The following BBS9 variants were observed in gnomAD, a reference collection of about 807,000 sequenced individuals.
BBS9 encodes the protein protein PTHB1.
BBS9 carries 89 observed loss-of-function variants against 117.7 expected under a neutral mutation model. The observed-to-expected ratio is 0.76, with a 90% CI of 0.64 to 0.90. The LOEUF is 0.90. Among genes scored for constraint, BBS9 ranks in the 40% least tolerant of loss-of-function variants. BBS9 has a pLI of 0.00. For synonymous variants in BBS9, 379 were observed against 370.9 expected, an observed-to-expected ratio of 1.02 and a Z score of -0.25; for missense variants, 982 against 1,042.2, an observed-to-expected ratio of 0.94 and a Z score of 0.80.
chr7:33,193,070 T>G (rs1475026814), intron 5 of BBS9, among the ~76,000 whole-genome samples: 1 of 152,224 alleles, frequency 6.6e-6, no homozygotes, highest in Non-Finnish European at 1.5e-5. Context: ...TTATGTGGAT[T>G]TGGGCTGCTG....
downstream of BBS9, among the ~76,000 whole-genome samples, chr7:33,609,669 A>G (rs531735912): frequency 2.0e-5 from 3 of 152,062 alleles, no homozygotes; most frequent in Admixed American, 6.6e-5. Context: ...GTCAGATTTC[A>G]TATGTTTCAA....
chr7:33,397,129 G>GA (rs928663928), intron 19 of BBS9, among the ~76,000 whole-genome samples: 3 of 151,696 alleles, frequency 2.0e-5, no homozygotes, highest in Admixed American at 6.6e-5. Flanking sequence ...AAATTTACAA[G>GA]AAAAAAAATC....
chr7:33,364,763 C>G (rs1199539513), intron 16 of BBS9, among the ~76,000 whole-genome samples: 2 of 146,700 alleles, frequency 1.4e-5, no homozygotes, highest in South Asian at 2.3e-4. Flanking sequence ...GGGTCTTGCT[C>G]TGTCATCCAG....
intron 19 of BBS9, among the ~76,000 whole-genome samples, chr7:33,458,727 T>C (rs927473817): frequency 1.3e-5 from 2 of 152,178 alleles, no homozygotes; most frequent in Non-Finnish European, 2.9e-5. Context: ...TGCACTTCTT[T>C]TCAAATGTTA....
intron 19 of BBS9, among the ~76,000 whole-genome samples, chr7:33,474,197 A>G (rs1841478624): frequency 6.6e-6 from 1 of 152,192 alleles, no homozygotes; most frequent in Non-Finnish European, 1.5e-5. Context: ...TGCTCTGGTT[A>G]CAATGCAAGA....
intron 21 of BBS9, among the ~76,000 whole-genome samples, chr7:33,544,500 C>T (rs4720124): frequency 0.46 from 69,942 of 151,950 alleles, 16,716 homozygotes; most frequent in South Asian, 0.57. Flanking sequence ...TACCTGGCTC[C>T]GGGCTGGTAC....
intron 5 of BBS9, among the ~76,000 whole-genome samples, chr7:33,200,856 G>T (rs1785729253): frequency 6.6e-6 from 1 of 152,174 alleles, no homozygotes; most frequent in Non-Finnish European, 1.5e-5. Flanking sequence ...GAAAAATTGA[G>T]CACTGTGAAA....
chr7:33,181,969 C>T (rs933089508), intron 5 of BBS9, among the ~76,000 whole-genome samples: 5 of 152,312 alleles, frequency 3.3e-5, no homozygotes, highest in Admixed American at 3.3e-4. Flanking sequence ...TGCCTGTAAT[C>T]TCAGCTACCC....
At chr7:33,434,607 G>T (rs1406483487) in intron 19 of BBS9, among the ~76,000 whole-genome samples, 4 of 152,116 alleles carry the variant, frequency 2.6e-5, no homozygotes, top group Non-Finnish European at 5.9e-5. Context: ...GGAAAAATGA[G>T]AGCTGCTATC....
intron 6 of BBS9, among the ~76,000 whole-genome samples, chr7:33,257,741 C>G (rs1488983272): frequency 3.3e-5 from 5 of 151,934 alleles, no homozygotes; most frequent in African/African-American, 7.3e-5. Flanking sequence ...AGTTACTACC[C>G]TGTAGAAAAT....
At chr7:33,483,300 G>C (rs1314986553) in intron 19 of BBS9, among the ~76,000 whole-genome samples, 3 of 152,078 alleles carry the variant, frequency 2.0e-5, no homozygotes, top group African/African-American at 7.2e-5. Context: ...TCAAATCTTT[G>C]TTCTAGTCAC....
rs35927295 is a variant in BBS9 at position 33,221,908 on chromosome 7, TACAC to T, written c.443-35316_443-35313del. On this transcript the variant is annotated intron_variant, in intron 5 of 22. Transcript: ENST00000242067. ...AATGCTTAAAAATCATATATATATA[TACAC>T]ACACACACACATATATGATATGAAA... 2.6e-5 allele frequency among the ~76,000 whole-genome samples: 4 copies of T among 151,696 alleles called. No individual in the cohort carries two copies. The East Asian group carries it at 7.7e-4, about 29-fold the overall frequency.
chr7:33,585,622 G>C (rs1860753038), intron 21 of BBS9, among the ~76,000 whole-genome samples: 1 of 151,650 alleles, frequency 6.6e-6, no homozygotes, highest in Non-Finnish European at 1.5e-5. Flanking sequence ...CACAAAATAA[G>C]TAACACTATG....
At position 33,428,647 on chromosome 7, in the gene BBS9, T is replaced by C. The variant is rs148849499; in HGVS notation, c.2115+40503T>C. On this transcript the variant is annotated intron_variant, in intron 19 of 22. Transcript: ENST00000242067. ...AGGATGGAAAATTGCAACACTATCT[T>C]GTCCTCCTGATGTCAACTGACAAAG... Among the ~76,000 whole-genome samples, 56 of 152,328 alleles carry C rather than the reference T, an allele frequency of 3.7e-4. 1 individual carries two copies. In the East Asian group the frequency reaches 0.01, roughly 28 times the overall value.
chr7:33,227,944 A>C (rs2128250232), intron 5 of BBS9, among the ~76,000 whole-genome samples: 1 of 152,150 alleles, frequency 6.6e-6, no homozygotes, highest in Admixed American at 6.5e-5. Flanking sequence ...CCATGTGTGC[A>C]CATGTGTCTT....
intron 1 of BBS9, among the ~76,000 whole-genome samples, chr7:33,140,394 A>ATGCACCTTT (rs1255288755): frequency 6.6e-6 from 1 of 152,168 alleles, no homozygotes; most frequent in Non-Finnish European, 1.5e-5. Flanking sequence ...TTCTTCAGAT[A>ATGCACCTTT]TCCCATCATG....
At chr7:33,552,397 T>G (rs1326911512) in intron 21 of BBS9, among the ~76,000 whole-genome samples, 1 of 152,134 alleles carries the variant, frequency 6.6e-6, no homozygotes, top group African/African-American at 2.4e-5. Context: ...CCACCTCACC[T>G]TCCAACACAT....
chr7:33,453,077 T>C (rs1490044708), intron 19 of BBS9, among the ~76,000 whole-genome samples: 1 of 152,234 alleles, frequency 6.6e-6, no homozygotes, highest in Non-Finnish European at 1.5e-5. Flanking sequence ...CAAACATTCA[T>C]CTCTTCCAAA....
chr7:33,131,129 G>A (rs557841036), intron 1 of BBS9, among the ~76,000 whole-genome samples: 1 of 152,188 alleles, frequency 6.6e-6, no homozygotes, highest in East Asian at 1.9e-4. Context: ...TAAAATTTCG[G>A]TCCAGAGGGT....
Sources: gnomAD v4.1 joint callset for allele counts (sites outside exome capture counted in the v4.1 genomes callset) on GRCh38, gnomAD v4.1.1 for gene constraint, MANE v1.5 for transcripts, NCBI Gene and HGNC (gene_info 2026-07-23, HGNC 2026-07-21) for gene names.